The following RPA1 variants were observed in gnomAD, a reference collection of about 807,000 sequenced individuals.
RPA1 encodes the protein replication protein A 70 kDa DNA-binding subunit.
Under a neutral mutation model 83.0 loss-of-function variants are expected in RPA1, and 49 were observed. The ratio of observed to expected loss-of-function variants is 0.59; its 90% CI spans 0.47 to 0.75. The LOEUF (loss-of-function observed/expected upper bound fraction) is 0.75. Among genes scored for constraint, RPA1 ranks in the 30% least tolerant of loss-of-function variants. The pLI, the probability that RPA1 is intolerant of heterozygous loss-of-function variation, is 0.00. For missense variants in RPA1, 693 were observed against 776.1 expected (o/e 0.89, Z 1.27); for synonymous variants, 279 against 281.8 (o/e 0.99, Z 0.10).
At chr17:1,839,149 C>T (rs1911942708) in intron 1 of RPA1, among the ~76,000 whole-genome samples, 1 of 152,072 alleles carries the variant, frequency 6.6e-6, no homozygotes, top group South Asian at 2.1e-4. Context: ...AGCCACTGCG[C>T]CCGGCCCCTT....
intron 12 of RPA1, among the ~76,000 whole-genome samples, chr17:1,883,122 A>G (rs934945864): frequency 7.9e-5 from 12 of 152,114 alleles, no homozygotes; most frequent in African/African-American, 2.7e-4. Flanking sequence ...GGAGTTTGAG[A>G]TCAGCCTGGC....
At chr17:1,875,952 A>T (rs1913558770) in intron 7 of RPA1, among the ~76,000 whole-genome samples, 159 bp downstream of exon 7, 1 of 150,630 alleles carries the variant, frequency 6.6e-6, no homozygotes, top group African/African-American at 2.5e-5. Flanking sequence ...CTGAGGAGGA[A>T]AGGGGTACAA....
intron 15 of RPA1, among the ~76,000 whole-genome samples, chr17:1,892,195 C>T (rs1412331466): frequency 2.6e-5 from 4 of 152,184 alleles, no homozygotes; most frequent in East Asian, 1.9e-4. Context: ...TTAGTAGAGA[C>T]GGGGTTTTAC....
intron 4 of RPA1, among the ~76,000 whole-genome samples, chr17:1,845,890 G>A (rs999048200): frequency 3.3e-5 from 5 of 152,120 alleles, no homozygotes; most frequent in African/African-American, 4.8e-5. Flanking sequence ...CTGAGATCAC[G>A]CCACTGCACT....
intron 7 of RPA1, among the ~76,000 whole-genome samples, chr17:1,876,652 C>T (rs548114754): frequency 6.6e-6 from 1 of 152,104 alleles, no homozygotes; most frequent in Non-Finnish European, 1.5e-5. Context: ...TTCTTCAATA[C>T]TCTGTAACGT....
chr17:1,836,192 A>T (rs942979743), intron 1 of RPA1, among the ~76,000 whole-genome samples: 1 of 151,894 alleles, frequency 6.6e-6, no homozygotes, highest in South Asian at 2.1e-4. Context: ...GCTCACTGCA[A>T]CCTCTGCCTC....
intron 12 of RPA1, among the ~76,000 whole-genome samples, chr17:1,881,667 G>A (rs1015212095): frequency 1.3e-5 from 2 of 152,004 alleles, no homozygotes; most frequent in Non-Finnish European, 2.9e-5. Flanking sequence ...CATTAAAATC[G>A]CATTCCCACA....
chr17:1,879,308 TC>T lies in RPA1; in HGVS notation c.855del (p.Val286SerfsTer32). The T allele has an allele frequency of 6.2e-7, 1 of 1,614,192 alleles. No homozygotes were observed. Among genetic ancestry groups the T allele is most frequent in the Non-Finnish European group, 8.5e-7 (1 of 1,180,042 alleles). On this transcript the variant is annotated frameshift_variant, in exon 10 of 17. Coordinates refer to ENST00000254719, the MANE Select transcript of RPA1 (RefSeq NM_002945.5). LOFTEE classifies it high-confidence loss of function. ...DYEMTFNNET[S>X]VMPCEDDHHL... ...CGAGATGACCTTCAATAACGAGACT[TC>T]CGTCATGCCCTGTGAGGACGACCAT... is the stretch of plus-strand genomic sequence containing the variant.
chr17:1,844,903 A>C (rs925384879), intron 4 of RPA1, among the ~76,000 whole-genome samples: 1 of 152,160 alleles, frequency 6.6e-6, no homozygotes, highest in East Asian at 1.9e-4. Context: ...TGTTATTTCT[A>C]ATTTCTTCAG....
chr17:1,880,499 T>G, intron 11 of RPA1, 44 bp from the exon 12 acceptor site: 4 of 1,596,148 alleles, frequency 2.5e-6, no homozygotes, highest in Non-Finnish European at 3.4e-6. Context: ...TTCTGTGTTC[T>G]TCCTGCTAGT....
intron 13 of RPA1, among the ~76,000 whole-genome samples, chr17:1,886,033 G>A (rs552409752): frequency 6.6e-6 from 1 of 150,532 alleles, no homozygotes; most frequent in South Asian, 2.2e-4. Context: ...TGAGCCCTTG[G>A]GTGAACAGGT....
intron 1 of RPA1, 68 bp from the exon 2 acceptor site, chr17:1,842,735 A>G: frequency 7.1e-7 from 1 of 1,404,912 alleles, no homozygotes; most frequent in Non-Finnish European, 1.0e-6. Flanking sequence ...AATACCAACT[A>G]TAAAAACATG....
At chr17:1,879,744 G>A (rs1567822369) in intron 11 of RPA1, 45 bp downstream of exon 11, 2 of 1,612,144 alleles carry the variant, frequency 1.2e-6, no homozygotes, top group East Asian at 2.2e-5. Context: ...GACCTCCTGG[G>A]GTTGGGGCGT....
At chr17:1,843,090 CTCTT>C (rs2151270816) in intron 2 of RPA1, among the ~76,000 whole-genome samples, 2 of 152,136 alleles carry the variant, frequency 1.3e-5, no homozygotes, top group Non-Finnish European at 2.9e-5. Context: ...CTTTGCCTCT[CTCTT>C]CCTCCCCACT....
chr17:1,876,443 T>A (rs1913576943), intron 7 of RPA1, among the ~76,000 whole-genome samples: 1 of 152,036 alleles, frequency 6.6e-6, no homozygotes, highest in Non-Finnish European at 1.5e-5. Context: ...TAATCCCCGC[T>A]ACTCAGGAGG....
chr17:1,878,490 A>T (rs191157547), intron 8 of RPA1, among the ~76,000 whole-genome samples: 17 of 152,260 alleles, frequency 1.1e-4, no homozygotes, highest in Non-Finnish European at 2.1e-4. Context: ...GAAAAGCAAA[A>T]GTGAAAATCA....
At chr17:1,885,352 A>G (rs9909163) in intron 13 of RPA1, among the ~76,000 whole-genome samples, 106,818 of 152,042 alleles carry the variant, frequency 0.7, 38,138 homozygotes, top group Non-Finnish European at 0.78. Flanking sequence ...CGTCACATCT[A>G]CAGATCCCTC....
In RPA1 at chr17:1,888,671, G is replaced by A. The variant is rs768547271; in HGVS notation, c.1375-4G>A. 1.3e-5 allele frequency: 21 copies of A among 1,607,188 alleles called. No individual in the cohort carries two copies. Among genetic ancestry groups the A allele is most frequent in the East Asian group, 6.7e-5 (3 of 44,688 alleles). On this transcript the variant is annotated splice_region_variant and splice_polypyrimidine_tract_variant and intron_variant, in intron 13 of 16. Transcript: ENST00000254719. ...GTGCCTCATGCTGTTCTTTTCTCCCGAAGCCGGACTACTTTAGTTCTGTGG... is the reference window on the plus strand; with the variant it reads ...GTGCCTCATGCTGTTCTTTTCTCCCAAAGCCGGACTACTTTAGTTCTGTGG...
rs747548683 is a variant in RPA1 at position 1,877,252 on chromosome 17, C to T, written c.628C>T (p.Arg210Cys). 66 of 1,614,042 alleles carry T rather than the reference C, an allele frequency of 4.1e-5. No homozygotes were observed. The highest frequency in any genetic ancestry group is 8.9e-5 in the East Asian group (4 of 44,898). ...CARVTNKSQI[R>C]TWSNSRGEGK... Reference sequence around the variant, plus strand: ...TCGTGTTACCAACAAAAGTCAGATCCGTACCTGGAGCAACTCCCGAGGGGA... The same window carrying T: ...TCGTGTTACCAACAAAAGTCAGATCTGTACCTGGAGCAACTCCCGAGGGGA... Residue 210 changes from arginine (R) to cysteine (C), a missense_variant, in exon 8 of 17, where the codon CGT (arginine) becomes TGT (cysteine). Coordinates refer to ENST00000254719, the MANE Select transcript of RPA1 (RefSeq NM_002945.5).
Sources: gnomAD v4.1 joint callset for allele counts (sites outside exome capture counted in the v4.1 genomes callset) on GRCh38, gnomAD v4.1.1 for gene constraint, MANE v1.5 for transcripts, NCBI Gene and HGNC (gene_info 2026-07-23, HGNC 2026-07-21) for gene names.